DNAH7: variants seen among roughly 807,000 people sequenced by gnomAD.
DNAH7 encodes the protein dynein axonemal heavy chain 7.
In DNAH7, 397 loss-of-function variants were observed where a neutral mutation model predicts 444.6. That is an observed-to-expected ratio of 0.89 (90% CI 0.82 to 0.97). The LOEUF (loss-of-function observed/expected upper bound fraction) is 0.97. Ranked by LOEUF, DNAH7 falls within the 50% of genes least tolerant of loss-of-function variation. DNAH7 has a pLI of 0.00. For missense variants in DNAH7, 4,902 were observed against 4,800.8 expected (o/e 1.02, Z -0.62); for synonymous variants, 1,636 against 1,624.4 (o/e 1.01, Z -0.17).
chr2:195,983,051 T>C lies in DNAH7; in HGVS notation c.1833+1581A>G, dbSNP rs576481539. 4.6e-5 allele frequency among the ~76,000 whole-genome samples: 7 copies of C among 152,304 alleles called. No individual in the cohort carries two copies. In the East Asian group the frequency reaches 1.3e-3, roughly 29 times the overall value. On this transcript the variant is annotated intron_variant, in intron 15 of 64. Transcript: ENST00000312428. ...TACCCCATTTACCCTGATGTGATTA[T>C]TACACATTGTAAGCCTACATCAAAA... is the stretch of plus-strand genomic sequence containing the variant.
rs56038836 is a variant in DNAH7, at chr2:195,737,904, G to A, written c.*17C>T. On this transcript the variant is annotated 3_prime_UTR_variant, in exon 65 of 65. Transcript: ENST00000312428. ...CCAGCCAACAAGAAATAGGAACAAGGAAATGATGTCTTCTGGTTATGAATT... is the reference window on the plus strand; with the variant it reads ...CCAGCCAACAAGAAATAGGAACAAGAAAATGATGTCTTCTGGTTATGAATT... 5.1e-3 allele frequency: 8,163 copies of A among 1,608,816 alleles called. 319 individuals carry two copies. The African/African-American group carries it at 0.094, about 19-fold the overall frequency.
At chr2:195,997,286 G>A (rs1693755318) in intron 12 of DNAH7, among the ~76,000 whole-genome samples, 1 of 152,178 alleles carries the variant, frequency 6.6e-6, no homozygotes, top group African/African-American at 2.4e-5. Context: ...GCCGAGGCAG[G>A]CAGATCATGA....
chr2:195,831,811 G>A (rs991032018), intron 48 of DNAH7, among the ~76,000 whole-genome samples: 3 of 152,040 alleles, frequency 2.0e-5, no homozygotes, highest in Non-Finnish European at 4.4e-5. Context: ...ATAGTATGGT[G>A]ATATGATATA....
intron 17 of DNAH7, 68 bp downstream of exon 17, chr2:195,969,880 T>A: frequency 6.7e-7 from 1 of 1,486,626 alleles, no homozygotes; most frequent in Non-Finnish European, 9.1e-7. Flanking sequence ...TAAAGGTGAA[T>A]AACTAAAACG....
chr2:195,843,761 A>G (rs1267904549), intron 47 of DNAH7, among the ~76,000 whole-genome samples: 3 of 152,206 alleles, frequency 2.0e-5, no homozygotes, highest in Non-Finnish European at 4.4e-5. Flanking sequence ...TGGAAAATAA[A>G]TGTGTTCACC....
At chr2:195,943,095 T>C (rs750801899) in intron 19 of DNAH7, among the ~76,000 whole-genome samples, 2 of 152,248 alleles carry the variant, frequency 1.3e-5, no homozygotes, top group Admixed American at 6.5e-5. Context: ...CTTGCCACCA[T>C]GTAAGATGTG....
intron 16 of DNAH7, among the ~76,000 whole-genome samples, chr2:195,971,314 T>C (rs903068031): frequency 6.6e-6 from 1 of 152,202 alleles, no homozygotes; most frequent in African/African-American, 2.4e-5. Flanking sequence ...ACTAATACAG[T>C]AGCTATGGAA....
intron 47 of DNAH7, among the ~76,000 whole-genome samples, chr2:195,844,105 C>A (rs79797661): frequency 6.6e-6 from 1 of 151,642 alleles, no homozygotes; most frequent in Non-Finnish European, 1.5e-5. Flanking sequence ...CAAAAAAAAA[C>A]AAAAAACCCA....
At position 195,782,078 on chromosome 2, in the gene DNAH7, T is replaced by C. The variant is rs146236962; in HGVS notation, c.10879-4093A>G. ...TTGCCCATCTGTCAAGTAGATAATA[T>C]ATATCCACCTAAATTTTCTTCTTTT... On this transcript the variant is annotated intron_variant, in intron 58 of 64. Transcript: ENST00000312428. Among the ~76,000 whole-genome samples, 85 of 151,938 alleles carry C rather than the reference T, an allele frequency of 5.6e-4. No individual in the cohort carries two copies. The East Asian group carries it at 0.016, about 29-fold the overall frequency.
intron 48 of DNAH7, 110 bp downstream of exon 48, chr2:195,834,096 A>C: frequency 8.8e-7 from 1 of 1,136,064 alleles, no homozygotes; most frequent in South Asian, 2.0e-5. Context: ...AGTCTCAGCT[A>C]CTTGGTAGGC....
intron 52 of DNAH7, 126 bp from the exon 53 acceptor site, chr2:195,809,002 T>C (rs888305464): frequency 4.0e-6 from 3 of 750,504 alleles, no homozygotes; most frequent in Admixed American, 3.0e-5. Context: ...TGAAATTCTA[T>C]AGCTAGTGTT....
At chr2:195,767,722 T>G (rs369966371) in intron 61 of DNAH7, among the ~76,000 whole-genome samples, 94 of 152,154 alleles carry the variant, frequency 6.2e-4, no homozygotes, top group African/African-American at 2.2e-3. Context: ...GTTTATTGTT[T>G]CACTCTTTAA....
At position 195,960,337 on chromosome 2, in the gene DNAH7, C is replaced by T. The variant is rs1292624011; in HGVS notation, c.2814G>A (p.Met938Ile). The change falls in exon 18 of 65, where the codon ATG becomes ATA. Residue 938 changes from methionine to isoleucine, a missense_variant. Coordinates refer to ENST00000312428, the MANE Select transcript of DNAH7 (RefSeq NM_018897.3). ...FILASVDEIQ[M>I]LLDDHIIKTQ... is the part of the protein sequence containing the mutation. ...TTTTAATAATATGGTCATCCAACAACATCTGAATTTCATCAACTGATGCCA... is the reference window on the plus strand; with the variant it reads ...TTTTAATAATATGGTCATCCAACAATATCTGAATTTCATCAACTGATGCCA... 1 of 1,613,952 alleles carries T rather than the reference C, an allele frequency of 6.2e-7. No individual in the cohort carries two copies. The highest frequency in any genetic ancestry group is 1.7e-4 in the Middle Eastern group (1 of 6,060).
chr2:196,009,759 C>G (rs918838132), intron 10 of DNAH7, among the ~76,000 whole-genome samples: 1 of 152,116 alleles, frequency 6.6e-6, no homozygotes, highest in African/African-American at 2.4e-5. Flanking sequence ...GCAAACTATT[C>G]ATTGTACAAA....
chr2:195,935,915 G>A (rs1288562858), intron 20 of DNAH7, among the ~76,000 whole-genome samples: 1 of 152,090 alleles, frequency 6.6e-6, no homozygotes, highest in Non-Finnish European at 1.5e-5. Flanking sequence ...AAGGTTGGTG[G>A]GCTGCATGCA....
rs530879683 is a variant in DNAH7, at chr2:195,932,886, T to C, written c.3471+1705A>G. On this transcript the variant is annotated intron_variant, in intron 21 of 64. Coordinates refer to ENST00000312428, the MANE Select transcript of DNAH7 (RefSeq NM_018897.3). ...GATATTGGTCTAAAATTCTCTTTTT[T>C]TGCTGTGTCTCTGCCAGGCTTTGGT... is the stretch of plus-strand genomic sequence containing the variant. Among the ~76,000 whole-genome samples, 16 of 152,332 alleles carry C rather than the reference T, an allele frequency of 1.1e-4. No homozygotes were observed. In the East Asian group the frequency reaches 3.1e-3, roughly 29 times the overall value.
At chr2:195,813,688 C>T (rs991411659) in intron 51 of DNAH7, among the ~76,000 whole-genome samples, 4 of 152,126 alleles carry the variant, frequency 2.6e-5, no homozygotes, top group African/African-American at 9.7e-5. Context: ...GGGTGAGATT[C>T]CTCTCTGTCT....
intron 48 of DNAH7, among the ~76,000 whole-genome samples, chr2:195,828,652 C>T (rs1697910844): frequency 6.8e-6 from 1 of 147,744 alleles, no homozygotes; most frequent in Non-Finnish European, 1.5e-5. Flanking sequence ...TTAGGACATC[C>T]TTTCCCATCA....
chr2:195,816,585 A>T, intron 51 of DNAH7, 43 bp downstream of exon 51: 1 of 1,392,310 alleles, frequency 7.2e-7, no homozygotes, highest in Non-Finnish European at 9.9e-7. Context: ...CTCTGATTTC[A>T]TGCATTAATT....
Sources: allele counts gnomAD v4.1 joint callset (sites outside exome capture counted in the v4.1 genomes callset), GRCh38; gene constraint gnomAD v4.1.1; transcripts MANE v1.5; gene names NCBI Gene and HGNC (gene_info 2026-07-23, HGNC 2026-07-21).